ANAPC16: variants seen among roughly 807,000 people sequenced by gnomAD.
ANAPC16 encodes the protein anaphase-promoting complex subunit 16.
ANAPC16 carries 6 observed loss-of-function variants against 13.1 expected under a neutral mutation model. That is an observed-to-expected ratio of 0.46 (90% CI 0.25 to 0.90). The LOEUF (loss-of-function observed/expected upper bound fraction) is 0.90. Ranked by LOEUF, ANAPC16 falls within the 40% of genes least tolerant of loss-of-function variation. The pLI, the probability that ANAPC16 is intolerant of heterozygous loss-of-function variation, is 0.18. For synonymous variants in ANAPC16, 55 were observed against 51.3 expected, an observed-to-expected ratio of 1.07 and a Z score of -0.31; for missense variants, 113 against 131.1, an observed-to-expected ratio of 0.86 and a Z score of 0.67.
chr10:72,223,614 C>T lies in ANAPC16; in HGVS notation c.-27-274C>T, dbSNP rs1009969559. 3.5e-4 allele frequency: 82 copies of T among 233,658 alleles called. 1 individual carries two copies. Among genetic ancestry groups the T allele is most frequent in the Non-Finnish European group, 3.3e-5 (4 of 121,358 alleles). The allele number at this position is 233,658 out of a possible 1,614,324, so 14.5% of individuals were successfully genotyped here. On this transcript the variant is annotated intron_variant, in intron 1 of 3. Transcript: ENST00000299381. The stretch of plus-strand genomic sequence containing the variant: ...TATCACCCCTTCATAACTCATAAAT[C>T]ACCCACAGTCAATCTTAGTTGACAT...
At chr10:72,224,400 GC>G (rs1328244565) in intron 2 of ANAPC16, among the ~76,000 whole-genome samples, 2 of 152,076 alleles carry the variant, frequency 1.3e-5, no homozygotes, top group Non-Finnish European at 2.9e-5. Flanking sequence ...ATCACTTGAG[GC>G]CAAGAGTTTG....
chr10:72,222,910 T>A (rs1771050818), intron 1 of ANAPC16, among the ~76,000 whole-genome samples: 1 of 152,134 alleles, frequency 6.6e-6, no homozygotes, highest in Non-Finnish European at 1.5e-5. Context: ...TTCAGTACAG[T>A]TTTCTCGTTA....
In ANAPC16 at chr10:72,228,882, C is replaced by T. The variant is rs553533732; in HGVS notation, c.143-1484C>T. ...ACTTAACTATTTTATCCTAATGGTG[C>T]CTGTGATTAAATGCAAGTGAGAGGT... On this transcript the variant is annotated intron_variant, in intron 2 of 3. Transcript: ENST00000299381. Among the ~76,000 whole-genome samples, 26 of 151,468 alleles carry T rather than the reference C, an allele frequency of 1.7e-4. No homozygotes were observed. The South Asian group carries it at 5.4e-3, about 31-fold the overall frequency.
chr10:72,218,253 C>G (rs1316605940), intron 1 of ANAPC16, among the ~76,000 whole-genome samples: 3 of 132,726 alleles, frequency 2.3e-5, no homozygotes, highest in African/African-American at 5.7e-5. Flanking sequence ...TTTTTGGCAT[C>G]AGACCTTGGC....
At position 72,233,062 on chromosome 10, in the gene ANAPC16, G is replaced by A. The variant is rs769286255; in HGVS notation, c.279G>A (p.Glu93=). The change falls in exon 4 of 4, where the codon GAG becomes GAA. Residue 93 remains glutamate (E), a synonymous_variant. Coordinates refer to ENST00000299381, the MANE Select transcript of ANAPC16 (RefSeq NM_173473.4). ...AGLVEELEAD[E]WRFKPIEQLL... is the part of the protein sequence containing the mutation. ...TGGTAGAAGAGCTGGAGGCTGACGA[G>A]TGGCGGTTTAAGCCCATCGAGCAGC... 1.9e-6 allele frequency: 3 copies of A among 1,614,238 alleles called. No individual in the cohort carries two copies. Among genetic ancestry groups the A allele is most frequent in the Non-Finnish European group, 2.5e-6 (3 of 1,180,042 alleles).
intron 1 of ANAPC16, among the ~76,000 whole-genome samples, chr10:72,218,069 G>A (rs763665907): frequency 6.7e-6 from 1 of 148,590 alleles, no homozygotes; most frequent in African/African-American, 2.5e-5. Flanking sequence ...GATCCCGGAG[G>A]GGGAGGCGGA....
At chr10:72,221,542 CTTTTCTT>C (rs1859930348) in intron 1 of ANAPC16, among the ~76,000 whole-genome samples, 1 of 126,586 alleles carries the variant, frequency 7.9e-6, no homozygotes, top group African/African-American at 3.1e-5. Context: ...ACCATTTTTT[CTTTTCTT>C]TTTTTTTTTT....
chr10:72,231,475 T>C (rs1019824662), intron 3 of ANAPC16, among the ~76,000 whole-genome samples: 3 of 151,524 alleles, frequency 2.0e-5, no homozygotes, highest in African/African-American at 7.3e-5. Flanking sequence ...CCAGGAGGCA[T>C]ACTCCAGCCT....
At chr10:72,221,293 C>T (rs756346596) in intron 1 of ANAPC16, among the ~76,000 whole-genome samples, 1 of 152,086 alleles carries the variant, frequency 6.6e-6, no homozygotes, top group Non-Finnish European at 1.5e-5. Flanking sequence ...TTAAAGTATA[C>T]AATTCAATAT....
chr10:72,230,264 C>G lies in ANAPC16; in HGVS notation c.143-102C>G, dbSNP rs539306731. 1.7e-4 allele frequency: 142 copies of G among 835,420 alleles called. 1 individual carries two copies. In the East Asian group the frequency reaches 3.6e-3, roughly 21 times the overall value. The allele number at this position is 835,420 out of a possible 1,614,324, so 51.8% of individuals were successfully genotyped here. ...CTTTGTAAACACTGAGAACTAGACC[C>G]TGAATGTACAAGCAGGGAAAAGAAT... is the stretch of plus-strand genomic sequence containing the variant. On this transcript the variant is annotated intron_variant, in intron 2 of 3. Transcript: ENST00000299381.
intron 1 of ANAPC16, among the ~76,000 whole-genome samples, chr10:72,218,145 CAAAA>C (rs142932037): frequency 0.026 from 907 of 34,738 alleles, 32 homozygotes; most frequent in East Asian, 0.061. Context: ...AACTCTGTCT[CAAAA>C]AAAAAAAAAA....
intron 2 of ANAPC16, 103 bp from the exon 3 acceptor site, chr10:72,230,263 C>A: frequency 1.2e-6 from 1 of 821,562 alleles, no homozygotes; most frequent in Non-Finnish European, 2.0e-6. Flanking sequence ...AGAACTAGAC[C>A]CTGAATGTAC....
rs760370875 is a variant in ANAPC16, at chr10:72,235,719, A to G, written c.*2603A>G. 7.2e-5 allele frequency: 11 copies of G among 152,244 alleles called. No individual in the cohort carries two copies. The highest frequency in any genetic ancestry group is 5.2e-4 in the Admixed American group (8 of 15,274). 9.4% of individuals were successfully genotyped at this position (152,244 alleles called of 1,614,324 possible). A position where few individuals can be genotyped will look rare whatever the true frequency, so the allele number is the denominator to read the frequency against. On this transcript the variant is annotated 3_prime_UTR_variant, in exon 4 of 4. Transcript: ENST00000299381. Reference sequence around the variant, plus strand: ...CCTTTCTCGTTTCATTTGTGTAACCATGCAGCATAGGCACTGTGTTACATC... The same window carrying G: ...CCTTTCTCGTTTCATTTGTGTAACCGTGCAGCATAGGCACTGTGTTACATC...
intron 1 of ANAPC16, among the ~76,000 whole-genome samples, chr10:72,221,726 A>AT (rs58310763): frequency 0.045 from 4,501 of 100,980 alleles, 159 homozygotes; most frequent in African/African-American, 0.06. Flanking sequence ...ACCCAGCTAA[A>AT]TTTTTTTTTT....
rs1195598093 is a variant in ANAPC16, at chr10:72,233,384, G to A, written c.*268G>A. ...AGAACCAGGAGGTTTGGGGTTAAGAGATACTCAAAAATTTTCACAAGCCAA... is the reference window on the plus strand; with the variant it reads ...AGAACCAGGAGGTTTGGGGTTAAGAAATACTCAAAAATTTTCACAAGCCAA... On this transcript the variant is annotated 3_prime_UTR_variant, in exon 4 of 4. Transcript: ENST00000299381. The A allele has an allele frequency of 3.0e-6, 1 of 334,158 alleles. No individual in the cohort carries two copies. The highest frequency in any genetic ancestry group is 5.2e-5 in the East Asian group (1 of 19,146). 20.7% of individuals were successfully genotyped at this position (334,158 alleles called of 1,614,324 possible).
chr10:72,218,747 T>G (rs1859775975), intron 1 of ANAPC16, among the ~76,000 whole-genome samples: 1 of 152,240 alleles, frequency 6.6e-6, no homozygotes, highest in Non-Finnish European at 1.5e-5. Context: ...CACTTGCTGG[T>G]AGCATTCAAA....
intron 1 of ANAPC16, among the ~76,000 whole-genome samples, chr10:72,222,754 G>A (rs1403890649): frequency 1.3e-5 from 2 of 152,240 alleles, no homozygotes; most frequent in Non-Finnish European, 2.9e-5. Flanking sequence ...TCTAGCGTGG[G>A]CGACAAGAGC....
chr10:72,224,672 C>T (rs949415036), intron 2 of ANAPC16, among the ~76,000 whole-genome samples: 15 of 151,128 alleles, frequency 9.9e-5, no homozygotes, highest in Non-Finnish European at 1.6e-4. Context: ...ACCTCCTACT[C>T]CAGTTTGCTT....
intron 2 of ANAPC16, among the ~76,000 whole-genome samples, chr10:72,225,446 G>C (rs1288242941): frequency 2.0e-5 from 3 of 152,016 alleles, no homozygotes; most frequent in African/African-American, 7.2e-5. Flanking sequence ...ACCAGGAGTG[G>C]TGGCTCAAAC....
Sources: gnomAD v4.1 joint callset for allele counts (sites outside exome capture counted in the v4.1 genomes callset) on GRCh38, gnomAD v4.1.1 for gene constraint, MANE v1.5 for transcripts, NCBI Gene and HGNC (gene_info 2026-07-23, HGNC 2026-07-21) for gene names.